CENPW: variants seen among roughly 807,000 people sequenced by gnomAD.
CENPW encodes cancer-up-regulated gene 2 protein.
CENPW carries 3 observed loss-of-function variants against 11.1 expected under a neutral mutation model. The observed-to-expected ratio is 0.27, with a 90% CI of 0.12 to 0.70. The LOEUF (loss-of-function observed/expected upper bound fraction) is 0.70, where lower values mean the gene tolerates loss of function less well. CENPW is among the 30% of genes least tolerant of loss of function. The probability of loss-of-function intolerance (pLI) is 0.77; values close to 1 mark genes in which losing one functional copy is unlikely to be tolerated. For synonymous variants in CENPW, 38 were observed against 42.0 expected, an observed-to-expected ratio of 0.91 and a Z score of 0.37; for missense variants, 100 against 105.6, an observed-to-expected ratio of 0.95 and a Z score of 0.23.
At chr6:126,357,184 A>C in the CENPW span, among the ~76,000 whole-genome samples, 1 of 113,962 alleles carries the variant, frequency 8.8e-6, no homozygotes, top group East Asian at 3.8e-3. Flanking sequence ...CATTTATTGA[A>C]TGGGGGTGCT....
At chr6:126,428,984 A>T in the CENPW span, among the ~76,000 whole-genome samples, 2 of 152,180 alleles carry the variant, frequency 1.3e-5, no homozygotes, top group Non-Finnish European at 2.9e-5. Context: ...AGTTAACACA[A>T]AGAGCACACA....
the CENPW span, among the ~76,000 whole-genome samples, chr6:126,376,541 C>G: frequency 6.6e-6 from 1 of 152,058 alleles, no homozygotes; most frequent in African/African-American, 2.4e-5. Context: ...CAGCTAGATC[C>G]CCTAATAACA....
At chr6:126,393,794 A>G in the CENPW span, among the ~76,000 whole-genome samples, 2 of 150,124 alleles carry the variant, frequency 1.3e-5, no homozygotes, top group Non-Finnish European at 3.0e-5. Flanking sequence ...TATACATTAT[A>G]TAGGCATATA....
At chr6:126,400,335 A>G in the CENPW span, among the ~76,000 whole-genome samples, 3 of 152,004 alleles carry the variant, frequency 2.0e-5, no homozygotes, top group Non-Finnish European at 2.9e-5. Context: ...TTTTCTTATT[A>G]TTGGTTATTC....
chr6:126,352,421 A>T (rs1422247075), downstream of CENPW, among the ~76,000 whole-genome samples: 1 of 152,108 alleles, frequency 6.6e-6, no homozygotes, highest in Non-Finnish European at 1.5e-5. Context: ...CTGAAGTATG[A>T]CACTTCTGAT....
chr6:126,359,424 A>G, the CENPW span, among the ~76,000 whole-genome samples: 1 of 152,136 alleles, frequency 6.6e-6, no homozygotes, highest in East Asian at 1.9e-4. Context: ...TATTCTGTAG[A>G]TGTCTGTTAG....
chr6:126,399,811 T>C, the CENPW span, among the ~76,000 whole-genome samples: 1 of 152,080 alleles, frequency 6.6e-6, no homozygotes, highest in East Asian at 1.9e-4. Context: ...ATCTCTAAAG[T>C]TTCTTGGTGC....
At chr6:126,420,976 TGATCAAG>T in the CENPW span, among the ~76,000 whole-genome samples, 13 of 152,132 alleles carry the variant, frequency 8.5e-5, no homozygotes, top group Non-Finnish European at 1.6e-4. Context: ...GAATTATATA[TGATCAAG>T]AATTGAGAAG....
At chr6:126,352,671 C>T (rs117257494), downstream of CENPW, among the ~76,000 whole-genome samples, 3,032 of 152,058 alleles carry the variant, frequency 0.02, 45 homozygotes, top group Non-Finnish European at 0.032. Context: ...ATCCTGCATC[C>T]TTTAAAGTGT....
At chr6:126,427,647 T>G in the CENPW span, among the ~76,000 whole-genome samples, 4 of 152,350 alleles carry the variant, frequency 2.6e-5, no homozygotes, top group South Asian at 8.3e-4. Context: ...CTTTATTATA[T>G]TATGCATTTT....
At chr6:126,478,645 G>T in the CENPW span, among the ~76,000 whole-genome samples, 1 of 151,886 alleles carries the variant, frequency 6.6e-6, no homozygotes, top group Non-Finnish European at 1.5e-5. Flanking sequence ...TTTGCATTTT[G>T]AAGAGATTTG....
intron 2 of CENPW, 59 bp downstream of exon 2, chr6:126,346,377 C>A: frequency 1.0e-6 from 1 of 970,582 alleles, no homozygotes; most frequent in South Asian, 1.5e-5. Flanking sequence ...ACACTCGGTT[C>A]ATCACCTCTC....
the CENPW span, among the ~76,000 whole-genome samples, chr6:126,394,597 GT>G: frequency 6.6e-6 from 1 of 152,068 alleles, no homozygotes; most frequent in African/African-American, 2.4e-5. Context: ...AATATTCCAT[GT>G]TTTTCTGTGT....
At chr6:126,454,664 G>A in the CENPW span, among the ~76,000 whole-genome samples, 3 of 150,940 alleles carry the variant, frequency 2.0e-5, no homozygotes, top group Non-Finnish European at 3.0e-5. Context: ...CTACAGGAAT[G>A]AGAGAAACAA....
chr6:126,351,549 A>G (rs749543734), downstream of CENPW, among the ~76,000 whole-genome samples: 1 of 152,092 alleles, frequency 6.6e-6, no homozygotes, highest in Non-Finnish European at 1.5e-5. Flanking sequence ...AGGTGGGGGA[A>G]GATGTGTTTA....
chr6:126,403,903 A>G, the CENPW span, among the ~76,000 whole-genome samples: 1 of 152,084 alleles, frequency 6.6e-6, no homozygotes. Flanking sequence ...AGAGAGGAGA[A>G]GATAATGCCT....
chr6:126,456,921 G>T, the CENPW span, among the ~76,000 whole-genome samples: 1 of 151,552 alleles, frequency 6.6e-6, no homozygotes, highest in Non-Finnish European at 1.5e-5. Flanking sequence ...AGACATACCT[G>T]TGGCCTACAG....
the CENPW span, among the ~76,000 whole-genome samples, chr6:126,360,836 C>T: frequency 6.6e-6 from 1 of 152,064 alleles, no homozygotes; most frequent in Non-Finnish European, 1.5e-5. Context: ...TTACTGGATT[C>T]CTTGGATTGG....
chr6:126,480,245 G>C, the CENPW span, among the ~76,000 whole-genome samples: 2 of 151,956 alleles, frequency 1.3e-5, no homozygotes, highest in Admixed American at 6.6e-5. Flanking sequence ...GAGGGTCAAG[G>C]AAAGGGTTAG....
Sources: gnomAD v4.1 joint callset for allele counts (sites outside exome capture counted in the v4.1 genomes callset) on GRCh38, gnomAD v4.1.1 for gene constraint, MANE v1.5 for transcripts, NCBI Gene and HGNC (gene_info 2026-07-23, HGNC 2026-07-21) for gene names.